WDR44: variants seen among roughly 807,000 people sequenced by gnomAD.
WDR44 encodes WD repeat-containing protein 44.
A neutral mutation model predicts 65.7 loss-of-function variants in WDR44; 9 were observed. The ratio of observed to expected loss-of-function variants is 0.14; its 90% confidence interval spans 0.08 to 0.24. WDR44 has a LOEUF of 0.24. Ranked by LOEUF, WDR44 falls within the 10% of genes least tolerant of loss-of-function variation. The probability of loss-of-function intolerance (pLI) is 1.00; values close to 1 mark genes in which losing one functional copy is unlikely to be tolerated. For synonymous variants in WDR44, 220 were observed against 235.2 expected (o/e 0.94, Z 0.59); for missense variants, 425 against 670.9 (o/e 0.63, Z 4.05).
At chrX:118,409,951 T>C (rs1241547161) in intron 11 of WDR44, among the ~76,000 whole-genome samples, 1 of 112,075 alleles carries the variant, frequency 8.9e-6, no homozygotes, top group Non-Finnish European at 1.9e-5. Flanking sequence ...GGAAAAAGAA[T>C]GAAAATCATA....
chrX:118,420,356 G>A (rs2057094063), intron 12 of WDR44, among the ~76,000 whole-genome samples: 1 of 110,633 alleles, frequency 9.0e-6, no homozygotes, highest in Non-Finnish European at 1.9e-5. Flanking sequence ...GGGTTCAAGG[G>A]GTTCTCCTGC....
At chrX:118,347,510 G>A (rs190218623) in intron 1 of WDR44, among the ~76,000 whole-genome samples, 1 of 112,125 alleles carries the variant, frequency 8.9e-6, no homozygotes, top group Admixed American at 9.5e-5. Flanking sequence ...ACGAATGTAC[G>A]TGGAAATAGA....
chrX:118,381,240 G>A (rs757418468), intron 2 of WDR44, among the ~76,000 whole-genome samples: 2 of 111,428 alleles, frequency 1.8e-5, no homozygotes, highest in South Asian at 3.8e-4. Context: ...AGGCTGAGAC[G>A]GGCAGATCAC....
rs564221385 is a variant in WDR44 at position 118,380,936 on chromosome X, A to G, written c.111+2484A>G. ...ATTGGGAAAGCATTGTAGTTAGGAA[A>G]TAGTAGGGACTAATAAATATGCAAA... On this transcript the variant is annotated intron_variant, in intron 2 of 19. Transcript: ENST00000254029. Among the ~76,000 whole-genome samples, 23 of 111,897 alleles carry G rather than the reference A, an allele frequency of 2.1e-4. No homozygotes were observed. In the South Asian group the frequency reaches 8.6e-3, roughly 42 times the overall value.
chrX:118,391,841 C>A (rs996174628), intron 3 of WDR44, among the ~76,000 whole-genome samples: 1 of 110,731 alleles, frequency 9.0e-6, no homozygotes, highest in Non-Finnish European at 1.9e-5. Flanking sequence ...AAAATTATCC[C>A]GGCGTGGAGC....
intron 1 of WDR44, among the ~76,000 whole-genome samples, chrX:118,364,769 T>C (rs1194063899): frequency 8.9e-6 from 1 of 112,319 alleles, no homozygotes; most frequent in Non-Finnish European, 1.9e-5. Context: ...TGAGACATCA[T>C]TGAGTTTCTG....
chrX:118,415,684 A>G (rs1870308928), intron 12 of WDR44, among the ~76,000 whole-genome samples: 1 of 111,159 alleles, frequency 9.0e-6, no homozygotes, highest in Non-Finnish European at 1.9e-5. Flanking sequence ...TTGTATTTTT[A>G]GTAGAGACGA....
chrX:118,369,925 G>GT (rs1192246214), intron 1 of WDR44, among the ~76,000 whole-genome samples: 1 of 112,113 alleles, frequency 8.9e-6, no homozygotes, highest in Non-Finnish European at 1.9e-5. Context: ...AGCCATGTGG[G>GT]TTTTTTAGTA....
At chrX:118,415,137 A>T (rs1415525163) in intron 12 of WDR44, among the ~76,000 whole-genome samples, 1 of 112,099 alleles carries the variant, frequency 8.9e-6, no homozygotes, top group Admixed American at 9.4e-5. Flanking sequence ...TGAGATGATC[A>T]TGTGATTTTT....
intron 2 of WDR44, among the ~76,000 whole-genome samples, chrX:118,386,225 C>G (rs143930602): frequency 0.024 from 2,645 of 111,113 alleles, 35 homozygotes; most frequent in Non-Finnish European, 0.041. Flanking sequence ...GTGATGTGCA[C>G]AAAGAATTAT....
intron 1 of WDR44, among the ~76,000 whole-genome samples, chrX:118,365,316 G>A (rs1413166243): frequency 9.0e-6 from 1 of 111,047 alleles, no homozygotes; most frequent in Non-Finnish European, 1.9e-5. Flanking sequence ...ATTTCATACC[G>A]TTAAGATTTG....
In WDR44 at chrX:118,379,307, A is replaced by C. The variant is rs142699001; in HGVS notation, c.111+855A>C. On this transcript the variant is annotated intron_variant, in intron 2 of 19. Transcript: ENST00000254029. Reference sequence around the variant, plus strand: ...ATGTATGTGTAATCTCAAACATGCTATATTTTTTTCAGTTCCAGTATACCG... The same window carrying C: ...ATGTATGTGTAATCTCAAACATGCTCTATTTTTTTCAGTTCCAGTATACCG... Among the ~76,000 whole-genome samples the C allele has an allele frequency of 3.1e-3, 345 of 111,350 alleles. 4 individuals are homozygous for C. In the East Asian group the frequency reaches 0.05, roughly 16 times the overall value.
At chrX:118,425,457 GA>G (rs1377847635) in intron 12 of WDR44, among the ~76,000 whole-genome samples, 1 of 111,146 alleles carries the variant, frequency 9.0e-6, no homozygotes. Context: ...AGACCAGCCT[GA>G]CCAACAAGGT....
At chrX:118,421,693 A>G (rs143299066) in intron 12 of WDR44, among the ~76,000 whole-genome samples, 1 of 112,062 alleles carries the variant, frequency 8.9e-6, no homozygotes, top group African/African-American at 3.2e-5. Context: ...AGAGTGATGT[A>G]CCCAAGATCA....
Position 118,392,751 on chromosome X carries a change from A to G in WDR44, c.306A>G (p.Thr102=). 8.2e-7 allele frequency: 1 copy of G among 1,212,127 alleles called. No individual in the cohort carries two copies. Among genetic ancestry groups the G allele is most frequent in the East Asian group, 3.0e-5 (1 of 33,873 alleles). ...QATASPIVAR[T]DLSNIPGLLA... is the part of the protein sequence containing the mutation. The stretch of plus-strand genomic sequence containing the variant: ...CTGCCAGTCCTATTGTGGCTAGAAC[A>G]GATCTGAGCAATATACCCGGACTGT... The change falls in exon 4 of 20, where the codon ACA becomes ACG. Residue 102 remains threonine (T), a synonymous_variant. Transcript: ENST00000254029.
At chrX:118,441,278 A>G in intron 14 of WDR44, 90 bp from the exon 15 acceptor site, 1 of 890,575 alleles carries the variant, frequency 1.1e-6, no homozygotes, top group East Asian at 3.1e-5. Flanking sequence ...ACATTTTTAA[A>G]CTATTCTAAT....
rs1436863092 is a variant in WDR44, at chrX:118,449,932, T to A, written c.*945T>A. ...GTTTCTGAAAATTAAATATGTATTA[T>A]TAAAAGTTGGTCTCCAACACTTGTT... On this transcript the variant is annotated 3_prime_UTR_variant, in exon 20 of 20. Transcript: ENST00000254029. 1.8e-5 allele frequency: 2 copies of A among 112,504 alleles called. No individual in the cohort carries two copies. Among genetic ancestry groups the A allele is most frequent in the African/African-American group, 3.2e-5 (1 of 30,927 alleles). The allele number at this position is 112,504 out of a possible 1,213,427, so 9.3% of individuals were successfully genotyped here. A position where few individuals can be genotyped will look rare whatever the true frequency, so the allele number is the denominator to read the frequency against.
intron 12 of WDR44, among the ~76,000 whole-genome samples, chrX:118,422,417 G>A (rs1270570238): frequency 1.8e-5 from 2 of 109,635 alleles, no homozygotes; most frequent in Admixed American, 9.8e-5. Context: ...TGAGCCAGGC[G>A]CGGTGGCTCA....
intron 1 of WDR44, among the ~76,000 whole-genome samples, chrX:118,376,732 G>C (rs1008288486): frequency 2.7e-5 from 3 of 111,272 alleles, no homozygotes; most frequent in East Asian, 2.8e-4. Context: ...GGCTGGGTGC[G>C]GTGGCTCCCT....
Sources: allele counts gnomAD v4.1 joint callset (sites outside exome capture counted in the v4.1 genomes callset), GRCh38; gene constraint gnomAD v4.1.1; transcripts MANE v1.5; gene names NCBI Gene and HGNC (gene_info 2026-07-23, HGNC 2026-07-21).